Variants in TMPRSS15 observed in about 807,000 individuals in gnomAD.
TMPRSS15 encodes transmembrane serine protease 15.
A neutral mutation model predicts 125.3 loss-of-function variants in TMPRSS15; 128 were observed. That is an observed-to-expected ratio of 1.02 (90% CI 0.89 to 1.18). The LOEUF is 1.18. Among genes scored for constraint, TMPRSS15 ranks in the 50% most tolerant of loss-of-function variants. TMPRSS15 has a pLI of 0.00. For missense variants in TMPRSS15, 1,283 were observed against 1,212.7 expected, an observed-to-expected ratio of 1.06 and a Z score of -0.86; for synonymous variants, 446 against 423.2, an observed-to-expected ratio of 1.05 and a Z score of -0.66.
At chr21:18,381,637 A>T (rs1407356876) in intron 4 of TMPRSS15, among the ~76,000 whole-genome samples, 2 of 152,156 alleles carry the variant, frequency 1.3e-5, no homozygotes, top group Non-Finnish European at 2.9e-5. Context: ...ATTAACTCAA[A>T]GGATATGGTT....
intron 1 of TMPRSS15, among the ~76,000 whole-genome samples, chr21:18,425,351 T>C (rs1413808528): frequency 6.6e-6 from 1 of 152,180 alleles, no homozygotes; most frequent in Non-Finnish European, 1.5e-5. Context: ...TTTGTTGTCT[T>C]GCCTTTAAAC....
intron 8 of TMPRSS15, 127 bp downstream of exon 8, chr21:18,359,629 GT>G (rs980972927): frequency 2.5e-3 from 1,184 of 476,248 alleles, no homozygotes; most frequent in South Asian, 2.9e-3. Context: ...AGAAGCAATT[GT>G]TTTTTTTTTA....
chr21:18,473,900 T>C (rs759565661), intron 1 of TMPRSS15, among the ~76,000 whole-genome samples: 6 of 152,182 alleles, frequency 3.9e-5, no homozygotes, highest in Non-Finnish European at 7.4e-5. Flanking sequence ...TAATTTACTA[T>C]TCACTTTTTC....
intron 10 of TMPRSS15, among the ~76,000 whole-genome samples, chr21:18,350,269 T>C (rs1292724264): frequency 6.6e-6 from 1 of 152,182 alleles, no homozygotes; most frequent in African/African-American, 2.4e-5. Context: ...AGAGTATTCA[T>C]GTCATCATTT....
chr21:18,329,240 T>C lies in TMPRSS15; in HGVS notation c.1709A>G (p.Glu570Gly), dbSNP rs1486481813. Reference sequence around the variant, plus strand: ...ATCGTTAATATTTTCTAAGTCAAATTCTTGAAAATGAAGTTGTATATTCTT... The same window carrying C: ...ATCGTTAATATTTTCTAAGTCAAATCCTTGAAAATGAAGTTGTATATTCTT... ...KGKNIQLHFQEFDLENINDVV... is the reference protein window; with the variant it reads ...KGKNIQLHFQGFDLENINDVV... Residue 570 changes from glutamate (E) to glycine (G), a missense_variant, in exon 15 of 25, where the codon GAA (glutamate) becomes GGA (glycine). Transcript: ENST00000284885. The C allele has an allele frequency of 6.8e-6, 11 of 1,612,292 alleles. No individual in the cohort carries two copies. Among genetic ancestry groups the C allele is most frequent in the Non-Finnish European group, 9.3e-6 (11 of 1,178,820 alleles).
intron 1 of TMPRSS15, among the ~76,000 whole-genome samples, chr21:18,439,464 T>C (rs1437042004): frequency 6.6e-6 from 1 of 152,188 alleles, no homozygotes; most frequent in Non-Finnish European, 1.5e-5. Flanking sequence ...GAATGAATTA[T>C]AAAAGTAATG....
chr21:18,485,618 C>T (rs1445494811), intron 1 of TMPRSS15, among the ~76,000 whole-genome samples: 1 of 151,780 alleles, frequency 6.6e-6, no homozygotes, highest in African/African-American at 2.4e-5. Context: ...CTTCTTTATT[C>T]TTTTGACATG....
chr21:18,313,937 C>T (rs1202601490), intron 17 of TMPRSS15, among the ~76,000 whole-genome samples: 1 of 150,800 alleles, frequency 6.6e-6, no homozygotes, highest in Non-Finnish European at 1.5e-5. Flanking sequence ...GCTTTTATAC[C>T]ATTTGATTTC....
intron 1 of TMPRSS15, among the ~76,000 whole-genome samples, chr21:18,443,196 G>T (rs1345154818): frequency 1.3e-5 from 2 of 152,150 alleles, no homozygotes; most frequent in African/African-American, 4.8e-5. Context: ...ATAAATAAAA[G>T]ATGGCAGGAT....
chr21:18,299,815 G>A lies in TMPRSS15; in HGVS notation c.2166-1986C>T, dbSNP rs962799344. 7.9e-5 allele frequency among the ~76,000 whole-genome samples: 12 copies of A among 152,282 alleles called. 1 individual carries two copies. In the Middle Eastern group the frequency reaches 0.014, roughly 173 times the overall value. On this transcript the variant is annotated intron_variant, in intron 18 of 24. Transcript: ENST00000284885. ...AAAGGCAAATTCTCCACCCTCACTC[G>A]AGGCCGACTTAGCCAGTAGTCTTAG...
chr21:18,307,139 A>C (rs1162921961), intron 18 of TMPRSS15, among the ~76,000 whole-genome samples: 3 of 152,208 alleles, frequency 2.0e-5, no homozygotes, highest in African/African-American at 7.2e-5. Flanking sequence ...AATTCTCATT[A>C]AGGATGTAAC....
At chr21:18,431,252 G>A (rs542673504) in intron 1 of TMPRSS15, among the ~76,000 whole-genome samples, 1 of 152,252 alleles carries the variant, frequency 6.6e-6, no homozygotes, top group African/African-American at 2.4e-5. Flanking sequence ...CTTTTATCCT[G>A]AAATGTTTTA....
At chr21:18,454,627 G>A (rs960106583) in intron 1 of TMPRSS15, among the ~76,000 whole-genome samples, 14 of 152,110 alleles carry the variant, frequency 9.2e-5, no homozygotes, top group Non-Finnish European at 1.5e-4. Context: ...GGGAGGGGCT[G>A]CTGGTATAAG....
At chr21:18,291,435 G>A (rs1236488002) in intron 21 of TMPRSS15, among the ~76,000 whole-genome samples, 1 of 152,218 alleles carries the variant, frequency 6.6e-6, no homozygotes, top group African/African-American at 2.4e-5. Context: ...TGCAAATGAA[G>A]TGTTGATGAT....
rs1203356726 is a variant in TMPRSS15, at chr21:18,278,913, T to TC, written c.2764+50dup. On this transcript the variant is annotated intron_variant, in intron 23 of 24. Transcript: ENST00000284885. ...ACAGGATATTATGACAGTCTGTTTT[T>TC]CACCAGTAAGGTTTTTTTTTTTTTT... The TC allele has an allele frequency of 4.0e-6, 4 of 992,344 alleles. No individual in the cohort carries two copies. The Admixed American group carries it at 8.6e-5, about 21-fold the overall frequency. The allele number at this position is 992,344 out of a possible 1,614,324, so 61.5% of individuals were successfully genotyped here.
chr21:18,379,055 CAG>C (rs975733562), intron 5 of TMPRSS15, among the ~76,000 whole-genome samples: 1 of 152,018 alleles, frequency 6.6e-6, no homozygotes, highest in Non-Finnish European at 1.5e-5. Context: ...TAATAATAGA[CAG>C]AGGATAAAAG....
At chr21:18,311,121 G>A (rs2075097424) in intron 18 of TMPRSS15, among the ~76,000 whole-genome samples, 1 of 151,894 alleles carries the variant, frequency 6.6e-6, no homozygotes, top group African/African-American at 2.4e-5. Context: ...TACCTAAAAT[G>A]TTGAAACCAC....
intron 1 of TMPRSS15, among the ~76,000 whole-genome samples, chr21:18,416,232 C>A (rs1284384712): frequency 6.6e-6 from 1 of 151,842 alleles, no homozygotes; most frequent in East Asian, 1.9e-4. Flanking sequence ...AATTGATCTA[C>A]AGGTGAAATG....
intron 3 of TMPRSS15, among the ~76,000 whole-genome samples, chr21:18,392,762 G>A (rs1248520427): frequency 3.9e-5 from 6 of 152,170 alleles, no homozygotes; most frequent in Admixed American, 3.9e-4. Context: ...GACTGGGGAG[G>A]CCTCAGGAAA....
Sources: gnomAD v4.1 joint callset for allele counts (sites outside exome capture counted in the v4.1 genomes callset) on GRCh38, gnomAD v4.1.1 for gene constraint, MANE v1.5 for transcripts, NCBI Gene and HGNC (gene_info 2026-07-23, HGNC 2026-07-21) for gene names.